The following THSD4 variants were observed in gnomAD, a reference collection of about 807,000 sequenced individuals.
THSD4 encodes the protein thrombospondin type 1 domain containing 4.
In THSD4, 69 loss-of-function variants were observed where a neutral mutation model predicts 119.0. That is an observed-to-expected ratio of 0.58 (90% CI 0.48 to 0.71). THSD4 has a LOEUF of 0.71. Among genes scored for constraint, THSD4 ranks in the 30% least tolerant of loss-of-function variants. THSD4 has a pLI of 0.00. For missense variants in THSD4, 1,393 were observed against 1,391.1 expected, an observed-to-expected ratio of 1.00 and a Z score of -0.02; for synonymous variants, 524 against 540.4, an observed-to-expected ratio of 0.97 and a Z score of 0.42.
chr15:71,572,844 C>T (rs548020774), intron 7 of THSD4, among the ~76,000 whole-genome samples: 9 of 152,178 alleles, frequency 5.9e-5, no homozygotes, highest in Non-Finnish European at 1.2e-4. Context: ...AGAGGTCATT[C>T]CAGGAAAGGC....
chr15:71,243,129 A>G, intron 5 of THSD4, 33 bp downstream of exon 5: 1 of 1,569,110 alleles, frequency 6.4e-7, no homozygotes, highest in Non-Finnish European at 8.6e-7. Flanking sequence ...GGGCCTGGAA[A>G]CAGCTGCCCC....
chr15:71,679,753 G>C (rs2051735440), intron 8 of THSD4, among the ~76,000 whole-genome samples: 2 of 152,206 alleles, frequency 1.3e-5, no homozygotes, highest in African/African-American at 4.8e-5. Context: ...CTGGAGAAGA[G>C]TTGTGACAGG....
chr15:71,763,081 T>A (rs998117380), intron 15 of THSD4, among the ~76,000 whole-genome samples: 27 of 146,174 alleles, frequency 1.8e-4, no homozygotes, highest in Admixed American at 4.1e-4. Flanking sequence ...AAAAAAAAAA[T>A]TTTTTTTTAG....
intron 8 of THSD4, among the ~76,000 whole-genome samples, chr15:71,691,497 C>T (rs923341262): frequency 5.3e-5 from 8 of 152,178 alleles, no homozygotes; most frequent in African/African-American, 7.2e-5. Flanking sequence ...GACGTTGGAT[C>T]GAGGCAGAGC....
In THSD4 at chr15:71,748,742, C is replaced by A. The variant is rs925682985; in HGVS notation, c.2415+148C>A. 25 of 1,032,288 alleles carry A rather than the reference C, an allele frequency of 2.4e-5. 1 individual carries two copies. Among genetic ancestry groups the A allele is most frequent in the Non-Finnish European group, 3.3e-5 (24 of 728,304 alleles). The allele number at this position is 1,032,288 out of a possible 1,614,324, so 63.9% of individuals were successfully genotyped here. The stretch of plus-strand genomic sequence containing the variant: ...AGGCCCAGAGAGGAATTATCGTAGG[C>A]TTTCTATCCTTATGTGAGGACTGAG... On this transcript the variant is annotated intron_variant, in intron 14 of 17. Coordinates refer to ENST00000261862, the MANE Select transcript of THSD4 (RefSeq NM_024817.3).
chr15:71,428,525 A>G (rs2046903452), intron 7 of THSD4, among the ~76,000 whole-genome samples: 1 of 152,196 alleles, frequency 6.6e-6, no homozygotes, highest in Non-Finnish European at 1.5e-5. Flanking sequence ...ATGTGAAGGA[A>G]ACATTCGTCA....
rs2046388309 is a variant in THSD4, at chr15:71,392,241, T to C, written c.1016-19446T>C. 2.0e-5 allele frequency among the ~76,000 whole-genome samples: 3 copies of C among 152,232 alleles called. No homozygotes were observed. In the South Asian group the frequency reaches 6.2e-4, roughly 32 times the overall value. On this transcript the variant is annotated intron_variant, in intron 6 of 17. Coordinates refer to ENST00000261862, the MANE Select transcript of THSD4 (RefSeq NM_024817.3). ...GATATTTCCATGTCTGCAATTCTTA[T>C]AAAGCTTCCAAATGCAGACATTCCC...
intron 5 of THSD4, among the ~76,000 whole-genome samples, 189 bp from the exon 6 acceptor site, chr15:71,256,424 G>A (rs572223837): frequency 6.0e-4 from 90 of 151,058 alleles, no homozygotes; most frequent in Non-Finnish European, 1.3e-4. Flanking sequence ...GCAGTGAGCC[G>A]AGATTGGGCC....
intron 8 of THSD4, among the ~76,000 whole-genome samples, chr15:71,712,289 T>C (rs1339202852): frequency 6.6e-6 from 1 of 152,188 alleles, no homozygotes; most frequent in African/African-American, 2.4e-5. Flanking sequence ...AAAGTGGAAT[T>C]CTCACATGAA....
chr15:71,738,116 G>A (rs767103460), intron 11 of THSD4, 109 bp downstream of exon 11: 60 of 1,411,510 alleles, frequency 4.3e-5, no homozygotes, highest in South Asian at 7.0e-5. Context: ...GACTGGTTTC[G>A]TGGAAGACGA....
rs112818238 is a variant in THSD4 at position 71,686,170 on chromosome 15, A to G, written c.1357+25436A>G. Reference sequence around the variant, plus strand: ...CATTCACATTATTGTACAACCATCAACAGCACCCATCCATAGAACTTTCTT... The same window carrying G: ...CATTCACATTATTGTACAACCATCAGCAGCACCCATCCATAGAACTTTCTT... On this transcript the variant is annotated intron_variant, in intron 8 of 17. Transcript: ENST00000261862. 7.5e-3 allele frequency among the ~76,000 whole-genome samples: 1,136 copies of G among 152,284 alleles called. 14 individuals are homozygous for G. Among genetic ancestry groups the G allele is most frequent in the African/African-American group, 0.026 (1,085 of 41,554 alleles).
At chr15:71,421,407 C>T (rs1204673565) in intron 7 of THSD4, among the ~76,000 whole-genome samples, 1 of 152,092 alleles carries the variant, frequency 6.6e-6, no homozygotes, top group Non-Finnish European at 1.5e-5. Context: ...TTTATTTCTC[C>T]ATCATATTTG....
intron 7 of THSD4, among the ~76,000 whole-genome samples, chr15:71,453,957 A>C (rs149610696): frequency 1.9e-3 from 296 of 152,268 alleles, no homozygotes; most frequent in East Asian, 0.019. Context: ...TCAAATGTAC[A>C]TTTAAAACCA....
intron 6 of THSD4, among the ~76,000 whole-genome samples, chr15:71,393,202 G>A (rs1254078125): frequency 6.6e-6 from 1 of 151,554 alleles, no homozygotes; most frequent in African/African-American, 2.4e-5. Context: ...TTGGTAAATA[G>A]TGGTGGAGGG....
intron 4 of THSD4, among the ~76,000 whole-genome samples, chr15:71,218,319 G>T (rs1372349144): frequency 1.3e-5 from 2 of 152,190 alleles, no homozygotes; most frequent in African/African-American, 4.8e-5. Flanking sequence ...CCTCCTGCGG[G>T]TGCCAACTGA....
intron 7 of THSD4, among the ~76,000 whole-genome samples, chr15:71,449,668 G>A (rs1392320748): frequency 6.6e-6 from 1 of 152,180 alleles, no homozygotes; most frequent in East Asian, 1.9e-4. Flanking sequence ...CCCATCCTGT[G>A]TAGACATTTT....
chr15:71,728,827 T>C (rs2052917128), intron 9 of THSD4, 103 bp downstream of exon 9: 1 of 1,469,218 alleles, frequency 6.8e-7, no homozygotes, highest in Non-Finnish European at 9.4e-7. Context: ...CCATACTCAA[T>C]AAAAACCCTT....
intron 7 of THSD4, among the ~76,000 whole-genome samples, chr15:71,431,517 G>T (rs1229460079): frequency 6.6e-6 from 1 of 152,150 alleles, no homozygotes; most frequent in Non-Finnish European, 1.5e-5. Context: ...AATCTTATGA[G>T]AGTTCACAAT....
intron 6 of THSD4, among the ~76,000 whole-genome samples, chr15:71,273,255 C>T (rs1363858298): frequency 1.3e-5 from 2 of 152,136 alleles, no homozygotes; most frequent in African/African-American, 4.8e-5. Context: ...ATGGGTAAAC[C>T]TGGAGGGCGT....
Sources: allele counts gnomAD v4.1 joint callset (sites outside exome capture counted in the v4.1 genomes callset), GRCh38; gene constraint gnomAD v4.1.1; transcripts MANE v1.5; gene names NCBI Gene and HGNC (gene_info 2026-07-23, HGNC 2026-07-21).